The following RANBP17 variants were observed in gnomAD, a reference collection of about 807,000 sequenced individuals.
RANBP17 encodes ran-binding protein 17.
In RANBP17, 158 loss-of-function variants were observed where a neutral mutation model predicts 141.2. That is an observed-to-expected ratio of 1.12 (90% CI 0.98 to 1.28). The LOEUF (loss-of-function observed/expected upper bound fraction) is 1.28, where lower values mean the gene tolerates loss of function less well. Among genes scored for constraint, RANBP17 ranks in the 50% most tolerant of loss-of-function variants. The probability of loss-of-function intolerance (pLI) is 0.00; values close to 1 mark genes in which losing one functional copy is unlikely to be tolerated. For synonymous variants in RANBP17, 430 were observed against 450.0 expected, an observed-to-expected ratio of 0.96 and a Z score of 0.56; for missense variants, 1,438 against 1,290.7, an observed-to-expected ratio of 1.11 and a Z score of -1.75.
chr5:171,179,450 T>C (rs766286945), intron 16 of RANBP17, among the ~76,000 whole-genome samples: 16 of 152,144 alleles, frequency 1.1e-4, no homozygotes, highest in Non-Finnish European at 2.2e-4. Flanking sequence ...TTTCAGTTAC[T>C]CTACTTTGTG....
chr5:171,060,423 T>G (rs77292172), intron 14 of RANBP17, among the ~76,000 whole-genome samples: 84 of 139,602 alleles, frequency 6.0e-4, no homozygotes, highest in Middle Eastern at 3.8e-3. Flanking sequence ...GAGATAATCA[T>G]GTGGTTTTTG....
chr5:170,960,804 C>A (rs945538898), intron 13 of RANBP17, among the ~76,000 whole-genome samples: 1 of 152,228 alleles, frequency 6.6e-6, no homozygotes, highest in African/African-American at 2.4e-5. Flanking sequence ...TATCTGGCTC[C>A]TGCCTGTCCC....
At chr5:171,075,969 A>G (rs60879035) in intron 14 of RANBP17, among the ~76,000 whole-genome samples, 7,801 of 152,224 alleles carry the variant, frequency 0.051, 267 homozygotes, top group East Asian at 0.12. Flanking sequence ...AAAAAATTAA[A>G]AAAACACACT....
At chr5:170,872,837 CTGATTTG>C (rs780974380) in intron 1 of RANBP17, among the ~76,000 whole-genome samples, 5 of 152,102 alleles carry the variant, frequency 3.3e-5, no homozygotes, top group Admixed American at 6.5e-5. Context: ...ATTATGTTTA[CTGATTTG>C]CATATGTTGA....
Position 171,115,938 on chromosome 5 carries a change from A to C in RANBP17, c.1711-54192A>C, listed in dbSNP as rs75980141. ...TAACCTAGAACGGTATCTGAGTCCT[A>C]GCCCAGCCATTTAGATTATGTGGAG... On this transcript the variant is annotated intron_variant, in intron 14 of 27. Coordinates refer to ENST00000523189, the MANE Select transcript of RANBP17 (RefSeq NM_022897.5). Among the ~76,000 whole-genome samples the C allele has an allele frequency of 1.7e-3, 264 of 152,336 alleles. 5 individuals are homozygous for C. The East Asian group carries it at 0.042, about 25-fold the overall frequency.
intron 12 of RANBP17, among the ~76,000 whole-genome samples, chr5:170,930,634 C>G (rs974650883): frequency 6.6e-6 from 1 of 152,046 alleles, no homozygotes; most frequent in East Asian, 1.9e-4. Context: ...TTGTTCAGTT[C>G]CCACCTATGA....
intron 14 of RANBP17, among the ~76,000 whole-genome samples, chr5:171,121,516 C>G (rs1262023260): frequency 6.6e-6 from 1 of 152,230 alleles, no homozygotes; most frequent in Non-Finnish European, 1.5e-5. Flanking sequence ...GGCTGATTCG[C>G]TGTTCTGCTG....
chr5:170,876,318 G>T (rs576396750), intron 1 of RANBP17, among the ~76,000 whole-genome samples: 6 of 152,170 alleles, frequency 3.9e-5, no homozygotes, highest in Admixed American at 1.3e-4. Context: ...GGATTTGCAT[G>T]TTGTTTTGGT....
At position 170,959,580 on chromosome 5, in the gene RANBP17, A is replaced by G. The variant is rs987778902; in HGVS notation, c.1574+5878A>G. 5.9e-5 allele frequency among the ~76,000 whole-genome samples: 9 copies of G among 152,334 alleles called. No homozygotes were observed. In the South Asian group the frequency reaches 1.9e-3, roughly 32 times the overall value. Reference sequence around the variant, plus strand: ...GGAGTTAGGGGCACCAACCTTCCACACAGTTGAAAATCTGCCTGTAACTTT... The same window carrying G: ...GGAGTTAGGGGCACCAACCTTCCACGCAGTTGAAAATCTGCCTGTAACTTT... On this transcript the variant is annotated intron_variant, in intron 13 of 27. Coordinates refer to ENST00000523189, the MANE Select transcript of RANBP17 (RefSeq NM_022897.5).
chr5:170,904,886 T>C (rs918174729), intron 5 of RANBP17, among the ~76,000 whole-genome samples: 1 of 152,182 alleles, frequency 6.6e-6, no homozygotes, highest in East Asian at 1.9e-4. Flanking sequence ...ATAATATAAA[T>C]ATTTCTGTGT....
rs547597440 is a variant in RANBP17, at chr5:170,973,036, G to C, written c.1710+4659G>C. On this transcript the variant is annotated intron_variant, in intron 14 of 27. Transcript: ENST00000523189. Reference sequence around the variant, plus strand: ...CTTTATGACATGATTCATATGTGCTGCTGTCTTTTTTCCTTTGGTTTATTC... The same window carrying C: ...CTTTATGACATGATTCATATGTGCTCCTGTCTTTTTTCCTTTGGTTTATTC... Among the ~76,000 whole-genome samples the C allele has an allele frequency of 4.0e-4, 61 of 152,176 alleles. 1 individual carries two copies. The South Asian group carries it at 0.012, about 31-fold the overall frequency.
intron 5 of RANBP17, chr5:170,896,780 A>G (rs1770161132): frequency 5.5e-6 from 2 of 364,002 alleles, no homozygotes; most frequent in Non-Finnish European, 1.0e-5. Context: ...CAGTGAGCTG[A>G]GATCGTGCCA....
At chr5:171,296,565 A>G (rs1197823788) in intron 27 of RANBP17, among the ~76,000 whole-genome samples, 3 of 152,240 alleles carry the variant, frequency 2.0e-5, no homozygotes, top group Non-Finnish European at 4.4e-5. Flanking sequence ...TTCTGTGCAT[A>G]TAACAAAATA....
chr5:170,923,722 G>T (rs1772669124), intron 11 of RANBP17, among the ~76,000 whole-genome samples: 1 of 152,094 alleles, frequency 6.6e-6, no homozygotes, highest in African/African-American at 2.4e-5. Context: ...CATTTAGGTA[G>T]ATTTAATTGA....
chr5:170,973,634 T>C lies in RANBP17; in HGVS notation c.1710+5257T>C, dbSNP rs1039462211. 3.6e-5 allele frequency among the ~76,000 whole-genome samples: 4 copies of C among 110,966 alleles called. No individual in the cohort carries two copies. The East Asian group carries it at 1.3e-3, about 37-fold the overall frequency. 72.8% of individuals were successfully genotyped at this position (110,966 alleles called of 152,430 possible). On this transcript the variant is annotated intron_variant, in intron 14 of 27. Transcript: ENST00000523189. ...TAGTAAAATGGCCAAAATACATGAA[T>C]AAACACTTCACAGAAGAAGAAATCA... is the stretch of plus-strand genomic sequence containing the variant.
At chr5:170,955,495 GTATA>G (rs10552356) in intron 13 of RANBP17, among the ~76,000 whole-genome samples, 2 of 128,224 alleles carry the variant, frequency 1.6e-5, no homozygotes, top group East Asian at 2.2e-4. Context: ...TGCTCAGTGT[GTATA>G]TATATATATG....
At chr5:170,914,892 C>A (rs529304228) in intron 8 of RANBP17, among the ~76,000 whole-genome samples, 2 of 152,200 alleles carry the variant, frequency 1.3e-5, no homozygotes, top group South Asian at 4.1e-4. Context: ...CTGGGGAGTT[C>A]TAATATTGCC....
At chr5:170,871,746 G>T (rs557759964) in intron 1 of RANBP17, among the ~76,000 whole-genome samples, 18 of 152,280 alleles carry the variant, frequency 1.2e-4, no homozygotes, top group Middle Eastern at 6.8e-3. Context: ...TAGCTAACCA[G>T]TTTTCCCAGC....
chr5:170,956,839 A>C (rs1775740580), intron 13 of RANBP17, among the ~76,000 whole-genome samples: 1 of 151,616 alleles, frequency 6.6e-6, no homozygotes, highest in Non-Finnish European at 1.5e-5. Flanking sequence ...TGGGAGGCCA[A>C]GGTGGGCGGA....
Sources: gnomAD v4.1 joint callset for allele counts (sites outside exome capture counted in the v4.1 genomes callset) on GRCh38, gnomAD v4.1.1 for gene constraint, MANE v1.5 for transcripts, NCBI Gene and HGNC (gene_info 2026-07-23, HGNC 2026-07-21) for gene names.